The following GMFB variants were observed in gnomAD, a reference collection of about 807,000 sequenced individuals.
GMFB encodes the protein GMF-beta.
A neutral mutation model predicts 25.6 loss-of-function variants in GMFB; 13 were observed. The observed-to-expected ratio is 0.51, with a 90% CI of 0.33 to 0.81. GMFB has a LOEUF of 0.81. Ranked by LOEUF, GMFB falls within the 30% of genes least tolerant of loss-of-function variation. The pLI is 0.02. For missense variants in GMFB, 146 were observed against 175.4 expected, an observed-to-expected ratio of 0.83 and a Z score of 0.95; for synonymous variants, 57 against 56.9, an observed-to-expected ratio of 1.00 and a Z score of 0.00.
At chr14:54,483,810 T>C in intron 1 of GMFB, 43 bp from the exon 2 acceptor site, 1 of 1,026,466 alleles carries the variant, frequency 9.7e-7, no homozygotes, top group Non-Finnish European at 1.5e-6. Context: ...ATGACTTCAA[T>C]ATATGTACAT....
In GMFB at chr14:54,475,389, CCA is replaced by C. The variant is rs2031624662; in HGVS notation, c.*2697_*2698del. Reference sequence around the variant, plus strand: ...GGGAAAAGTGCTGACACACATTTTGCCACACAGATTATTTAGTAATGACAGTA... The same window carrying C: ...GGGAAAAGTGCTGACACACATTTTGCCACAGATTATTTAGTAATGACAGTA... On this transcript the variant is annotated 3_prime_UTR_variant, in exon 7 of 7. Transcript: ENST00000358056. The C allele has an allele frequency of 6.6e-6, 1 of 152,474 alleles. No individual in the cohort carries two copies. Among genetic ancestry groups the C allele is most frequent in the Non-Finnish European group, 1.5e-5 (1 of 67,950 alleles). 9.4% of individuals were successfully genotyped at this position (152,474 alleles called of 1,614,324 possible). A position where few individuals can be genotyped will look rare whatever the true frequency, so the allele number is the denominator to read the frequency against.
At position 54,482,168 on chromosome 14, in the gene GMFB, C is replaced by T. The variant is rs773673858; in HGVS notation, c.135G>A (p.Leu45=). The T allele has an allele frequency of 3.8e-5, 60 of 1,599,840 alleles. No individual in the cohort carries two copies. Among genetic ancestry groups the T allele is most frequent in the Non-Finnish European group, 4.6e-5 (54 of 1,167,432 alleles). ...TTGAACAAACCTCAAGCTCCTCATC[C>T]AGTACCACCAGGCGTTTATCCTTGT... is the stretch of plus-strand genomic sequence containing the variant. ...KIDKDKRLVV[L]DEELEGISPD... The change falls in exon 3 of 7, where the codon CTG becomes CTA. Residue 45 remains leucine (L), a synonymous_variant. Transcript: ENST00000358056.
At chr14:54,486,678 T>C (rs1028247535) in intron 1 of GMFB, among the ~76,000 whole-genome samples, 6 of 152,230 alleles carry the variant, frequency 3.9e-5, no homozygotes, top group South Asian at 4.1e-4. Flanking sequence ...AACACTGTTA[T>C]ATCCTTTACA....
rs750208157 is a variant in GMFB, at chr14:54,483,690, C to T, written c.81G>A (p.Thr27=). Residue 27 remains threonine, a synonymous_variant, in exon 2 of 7, where the codon ACG becomes ACA. Coordinates refer to ENST00000358056, the MANE Select transcript of GMFB (RefSeq NM_004124.3). ...GCTTACTTATAATAGCAGCGTTGTT[C>T]GTTTCTTTGCGAAAACGAAACTTTC... ...KLRKFRFRKE[T]NNAAIIMKID... 51 of 1,588,466 alleles carry T rather than the reference C, an allele frequency of 3.2e-5. No individual in the cohort carries two copies. In the Middle Eastern group the frequency reaches 5.0e-4, roughly 15 times the overall value.
chr14:54,486,925 T>G (rs2031790861), intron 1 of GMFB, among the ~76,000 whole-genome samples: 1 of 152,052 alleles, frequency 6.6e-6, no homozygotes. Context: ...AAAAAAGGGT[T>G]ACCAGATATA....
rs955350475 is a variant in GMFB, at chr14:54,488,798, C to T, written c.3+127G>A. 37 of 674,630 alleles carry T rather than the reference C, an allele frequency of 5.5e-5. No homozygotes were observed. In the South Asian group the frequency reaches 6.7e-4, roughly 12 times the overall value. The allele number at this position is 674,630 out of a possible 1,614,324, so 41.8% of individuals were successfully genotyped here. ...TCTAGCTATGGGCACTGGCCAGCTG[C>T]TGGGAGCGGAAGCGGCCGCCGAGCC... On this transcript the variant is annotated intron_variant, in intron 1 of 6. Transcript: ENST00000358056.
At chr14:54,487,204 T>C (rs1470788724) in intron 1 of GMFB, among the ~76,000 whole-genome samples, 1 of 152,134 alleles carries the variant, frequency 6.6e-6, no homozygotes, top group African/African-American at 2.4e-5. Flanking sequence ...GAGACCATCC[T>C]GGCTAACATG....
At position 54,482,141 on chromosome 14, in the gene GMFB, C is replaced by A; in HGVS notation, c.150+12G>T. ...CTTAACTATAAAATTGTATTTAGTT[C>A]ATTGAACAAACCTCAAGCTCCTCAT... On this transcript the variant is annotated intron_variant, in intron 3 of 6. Coordinates refer to ENST00000358056, the MANE Select transcript of GMFB (RefSeq NM_004124.3). 6.6e-7 allele frequency: 1 copy of A among 1,521,032 alleles called. No homozygotes were observed. Among genetic ancestry groups the A allele is most frequent in the South Asian group, 1.1e-5 (1 of 88,840 alleles). The allele number at this position is 1,521,032 out of a possible 1,614,324, so 94.2% of individuals were successfully genotyped here. A position where few individuals can be genotyped will look rare whatever the true frequency, so the allele number is the denominator to read the frequency against.
chr14:54,480,925 C>A lies in GMFB; in HGVS notation c.232G>T (p.Asp78Tyr). The A allele has an allele frequency of 6.5e-7, 1 of 1,533,300 alleles. No individual in the cohort carries two copies. Among genetic ancestry groups the A allele is most frequent in the Non-Finnish European group, 9.0e-7 (1 of 1,114,906 alleles). The allele number at this position is 1,533,300 out of a possible 1,614,324, so 95.0% of individuals were successfully genotyped here. ...FIVYSYKYQHDDGRVSYPLCF... is the reference protein window; with the variant it reads ...FIVYSYKYQHYDGRVSYPLCF... ...AGAGGATATGAAACTCTTCCATCAT[C>A]ATGTTGATATTTATAACTATACACA... The change falls in exon 5 of 7, where the codon GAT (aspartate) becomes TAT (tyrosine). Residue 78 changes from aspartate (D) to tyrosine (Y), a missense_variant. Coordinates refer to ENST00000358056, the MANE Select transcript of GMFB (RefSeq NM_004124.3).
Position 54,476,644 on chromosome 14 carries a change from T to C in GMFB, c.*1444A>G, listed in dbSNP as rs2031644079. 6.6e-6 allele frequency: 1 copy of C among 152,046 alleles called. No individual in the cohort carries two copies. The highest frequency in any genetic ancestry group is 1.5e-5 in the Non-Finnish European group (1 of 67,916). 9.4% of individuals were successfully genotyped at this position (152,046 alleles called of 1,614,324 possible). On this transcript the variant is annotated 3_prime_UTR_variant, in exon 7 of 7. Coordinates refer to ENST00000358056, the MANE Select transcript of GMFB (RefSeq NM_004124.3). ...AGTGTTGGGAACAGAAGATGTTCTA[T>C]TCAATATCGCAAAAATTCCAACTAT...
intron 1 of GMFB, among the ~76,000 whole-genome samples, chr14:54,485,563 C>T (rs2031770095): frequency 6.6e-6 from 1 of 152,042 alleles, no homozygotes; most frequent in African/African-American, 2.4e-5. Context: ...GATTACAAGA[C>T]ATAATATTGT....
chr14:54,483,644 A>G, intron 2 of GMFB, 27 bp downstream of exon 2: 1 of 1,148,788 alleles, frequency 8.7e-7, no homozygotes, highest in East Asian at 2.3e-5. Context: ...AGACCATGTA[A>G]CTTTGAGGCA....
At chr14:54,480,070 T>C in intron 5 of GMFB, 1 of 427,342 alleles carries the variant, frequency 2.3e-6, no homozygotes, top group Non-Finnish European at 4.2e-6. Context: ...AGTCTACAGG[T>C]TGGCAAAAAT....
chr14:54,478,290 C>G (rs977079143), intron 6 of GMFB, 131 bp from the exon 7 acceptor site: 7 of 453,932 alleles, frequency 1.5e-5, no homozygotes, highest in Non-Finnish European at 2.8e-5. Flanking sequence ...GTATTAAATA[C>G]CAAATTCTGC....
Position 54,481,394 on chromosome 14 carries a change from C to T in GMFB, c.200+15G>A, listed in dbSNP as rs374701600. On this transcript the variant is annotated intron_variant, in intron 4 of 6. Coordinates refer to ENST00000358056, the MANE Select transcript of GMFB (RefSeq NM_004124.3). ...TAAAGAAAATAAATCTTTTAAAGCA[C>T]TAAGAAAAGGATATCGAGGTTGTCG... 10 of 1,558,932 alleles carry T rather than the reference C, an allele frequency of 6.4e-6. No homozygotes were observed. In the African/African-American group the frequency reaches 1.2e-4, roughly 19 times the overall value.
intron 1 of GMFB, 161 bp downstream of exon 1, chr14:54,488,764 G>A (rs2031824691): frequency 3.6e-6 from 2 of 559,864 alleles, no homozygotes; most frequent in Non-Finnish European, 6.0e-6. Context: ...GGCGGCAGAG[G>A]CCAAGTACTC....
chr14:54,482,103 G>C, intron 3 of GMFB, 50 bp downstream of exon 3: 2 of 1,177,528 alleles, frequency 1.7e-6, no homozygotes, highest in Non-Finnish European at 1.3e-6. Context: ...CATCTTTTGA[G>C]AAATAATAAT....
At position 54,477,214 on chromosome 14, in the gene GMFB, A is replaced by G. The variant is rs529753897; in HGVS notation, c.*874T>C. Reference sequence around the variant, plus strand: ...GAAAATTATTTTATTTGGACCCTTTAAAAAAGTATTAATTTCACCAAATGT... The same window carrying G: ...GAAAATTATTTTATTTGGACCCTTTGAAAAAGTATTAATTTCACCAAATGT... On this transcript the variant is annotated 3_prime_UTR_variant, in exon 7 of 7. Transcript: ENST00000358056. The G allele has an allele frequency of 2.0e-5, 3 of 152,486 alleles. No homozygotes were observed. Among genetic ancestry groups the G allele is most frequent in the Non-Finnish European group, 4.4e-5 (3 of 67,918 alleles). The allele number at this position is 152,486 out of a possible 1,614,324, so 9.4% of individuals were successfully genotyped here. A position where few individuals can be genotyped will look rare whatever the true frequency, so the allele number is the denominator to read the frequency against.
At chr14:54,484,590 A>C (rs932808984) in intron 1 of GMFB, among the ~76,000 whole-genome samples, 3 of 152,182 alleles carry the variant, frequency 2.0e-5, no homozygotes, top group African/African-American at 7.2e-5. Flanking sequence ...TGAGGGCTTC[A>C]CTGCTGAATT....
Sources: allele counts gnomAD v4.1 joint callset (sites outside exome capture counted in the v4.1 genomes callset), GRCh38; gene constraint gnomAD v4.1.1; transcripts MANE v1.5; gene names NCBI Gene and HGNC (gene_info 2026-07-23, HGNC 2026-07-21).